DMRT1: variants seen among roughly 807,000 people sequenced by gnomAD.
DMRT1 encodes doublesex- and mab-3-related transcription factor 1.
DMRT1 carries 7 observed loss-of-function variants against 32.3 expected under a neutral mutation model. The ratio of observed to expected loss-of-function variants is 0.22; its 90% CI spans 0.12 to 0.41. The LOEUF (loss-of-function observed/expected upper bound fraction) is 0.41. Among genes scored for constraint, DMRT1 ranks in the 10% least tolerant of loss-of-function variants. The pLI is 1.00. For synonymous variants in DMRT1, 278 were observed against 206.1 expected (o/e 1.35, Z -2.99); for missense variants, 625 against 500.5 (o/e 1.25, Z -2.37).
intron 4 of DMRT1, among the ~76,000 whole-genome samples, chr9:949,870 C>T (rs370351610): frequency 5.3e-5 from 8 of 152,190 alleles, no homozygotes; most frequent in Non-Finnish European, 1.0e-4. Flanking sequence ...AGGTTCATTC[C>T]GTTGCAAATG....
intron 2 of DMRT1, among the ~76,000 whole-genome samples, chr9:871,021 A>T (rs1816224999): frequency 6.6e-6 from 1 of 151,590 alleles, no homozygotes. Context: ...CAAGCCTTTT[A>T]AAACTGTATT....
chr9:862,089 C>G (rs963303544), intron 2 of DMRT1, among the ~76,000 whole-genome samples: 4 of 136,808 alleles, frequency 2.9e-5, no homozygotes, highest in African/African-American at 5.0e-5. Context: ...TCCTCACTTC[C>G]TAGACGGGGT....
At chr9:855,746 T>G (rs1232655769) in intron 2 of DMRT1, among the ~76,000 whole-genome samples, 1 of 152,168 alleles carries the variant, frequency 6.6e-6, no homozygotes, top group African/African-American at 2.4e-5. Context: ...AGTCCCCAAG[T>G]ACCTTGGACT....
chr9:890,982 C>T (rs1465163166), intron 2 of DMRT1, among the ~76,000 whole-genome samples: 1 of 151,716 alleles, frequency 6.6e-6, no homozygotes, highest in Non-Finnish European at 1.5e-5. Flanking sequence ...AGACCTACCT[C>T]AGCCTCCCAA....
At chr9:887,939 T>C (rs2132641802) in intron 2 of DMRT1, among the ~76,000 whole-genome samples, 1 of 152,366 alleles carries the variant, frequency 6.6e-6, no homozygotes, top group South Asian at 2.1e-4. Flanking sequence ...ATATGATAAC[T>C]AGTGAATGAA....
At chr9:908,463 G>GTT (rs5895876) in intron 3 of DMRT1, among the ~76,000 whole-genome samples, 98 of 151,786 alleles carry the variant, frequency 6.5e-4, no homozygotes, top group East Asian at 5.1e-3. Flanking sequence ...CTCTAAAAAT[G>GTT]TTTTTTTAAA....
chr9:865,617 G>A lies in DMRT1; in HGVS notation c.538+18474G>A, dbSNP rs1209482423. 2.0e-5 allele frequency among the ~76,000 whole-genome samples: 3 copies of A among 152,076 alleles called. No individual in the cohort carries two copies. In the East Asian group the frequency reaches 5.8e-4, roughly 29 times the overall value. On this transcript the variant is annotated intron_variant, in intron 2 of 4. Transcript: ENST00000382276. ...ATCCTGTAGCAATAAACAAGTTTTT[G>A]CAAAAATGAAGCTACCTGAACAGAT... is the stretch of plus-strand genomic sequence containing the variant.
intron 3 of DMRT1, among the ~76,000 whole-genome samples, chr9:909,390 C>A (rs1817892706): frequency 6.6e-6 from 1 of 152,142 alleles, no homozygotes; most frequent in South Asian, 2.1e-4. Context: ...GTGAACGGGG[C>A]TTTTTGGGTG....
chr9:857,701 G>C (rs186815547), intron 2 of DMRT1, among the ~76,000 whole-genome samples: 1,806 of 151,386 alleles, frequency 0.012, 38 homozygotes, highest in African/African-American at 0.042. Context: ...ATGTATACAT[G>C]TGCCATGTTG....
chr9:903,111 C>G lies in DMRT1; in HGVS notation c.822+8916C>G, dbSNP rs62530268. ...GTCTTAGCCATGCCTATGATGTTTTCTTCTGCAACATAATTCCTCATTAGG... is the reference window on the plus strand; with the variant it reads ...GTCTTAGCCATGCCTATGATGTTTTGTTCTGCAACATAATTCCTCATTAGG... On this transcript the variant is annotated intron_variant, in intron 3 of 4. Transcript: ENST00000382276. 2.6e-3 allele frequency among the ~76,000 whole-genome samples: 392 copies of G among 152,276 alleles called. 1 individual carries two copies. Among genetic ancestry groups the G allele is most frequent in the Non-Finnish European group, 3.5e-3 (241 of 68,010 alleles).
At chr9:903,022 A>G (rs995016921) in intron 3 of DMRT1, among the ~76,000 whole-genome samples, 3 of 152,308 alleles carry the variant, frequency 2.0e-5, no homozygotes, top group South Asian at 2.1e-4. Flanking sequence ...TAAAGCTGTC[A>G]TGTTCCCTGA....
At chr9:944,294 T>A (rs1819172079) in intron 4 of DMRT1, among the ~76,000 whole-genome samples, 1 of 152,220 alleles carries the variant, frequency 6.6e-6, no homozygotes, top group Non-Finnish European at 1.5e-5. Flanking sequence ...CTGCCACAGT[T>A]TTTTGAAAGA....
chr9:907,409 T>G (rs1031893834), intron 3 of DMRT1, among the ~76,000 whole-genome samples: 1 of 152,150 alleles, frequency 6.6e-6, no homozygotes, highest in Non-Finnish European at 1.5e-5. Context: ...TGCATAGATT[T>G]CTCAAGATGA....
chr9:912,234 C>T (rs1818016179), intron 3 of DMRT1, among the ~76,000 whole-genome samples: 1 of 152,202 alleles, frequency 6.6e-6, no homozygotes, highest in Non-Finnish European at 1.5e-5. Flanking sequence ...GGGCAACCGC[C>T]CCCATGATCC....
In DMRT1 at chr9:916,886, T is replaced by G; in HGVS notation, c.946T>G (p.Tyr316Asp). The G allele has an allele frequency of 6.2e-7, 1 of 1,614,194 alleles. No individual in the cohort carries two copies. Among genetic ancestry groups the G allele is most frequent in the Non-Finnish European group, 8.5e-7 (1 of 1,180,022 alleles). Reference protein sequence around the residue: ...QFFTFEDAPSYPEARASVFSP... With the variant: ...QFFTFEDAPSDPEARASVFSP... ...CTTCACTTTTGAGGATGCTCCCTCT[T>G]ACCCGGAAGCCAGGGCGAGCGGTAG... The change falls in exon 4 of 5, where the codon TAC (tyrosine) becomes GAC (aspartate). Residue 316 changes from tyrosine (Y) to aspartate (D), a missense_variant. By Grantham distance (160) the Tyr-to-Asp change is radical. Around this residue, in one of 3 missense-constraint regions of DMRT1, gnomAD observed 416 missense variants for 321.6 expected, o/e 1.29. Transcript: ENST00000382276.
At chr9:901,809 G>T (rs1201281691) in intron 3 of DMRT1, among the ~76,000 whole-genome samples, 1 of 151,626 alleles carries the variant, frequency 6.6e-6, no homozygotes, top group Non-Finnish European at 1.5e-5. Flanking sequence ...CTCACCCTTG[G>T]CCGGGAGCCC....
intron 4 of DMRT1, among the ~76,000 whole-genome samples, chr9:948,900 A>G (rs1819335674): frequency 7.9e-6 from 1 of 126,998 alleles, no homozygotes. Context: ...TACTAAAAAT[A>G]CAAAATAATA....
chr9:844,378 A>G (rs569898481), intron 1 of DMRT1, among the ~76,000 whole-genome samples: 31 of 152,294 alleles, frequency 2.0e-4, no homozygotes, highest in African/African-American at 7.0e-4. Context: ...TCCTTTTTAT[A>G]TAATATTTTC....
intron 2 of DMRT1, among the ~76,000 whole-genome samples, chr9:854,526 G>A (rs1159117478): frequency 6.6e-6 from 1 of 152,044 alleles, no homozygotes; most frequent in East Asian, 1.9e-4. Flanking sequence ...TTCTAATGTT[G>A]TAAAGAAGGA....
Sources: gnomAD v4.1 joint callset for allele counts (sites outside exome capture counted in the v4.1 genomes callset) on GRCh38, gnomAD v4.1.1 for gene constraint, gnomAD v4.1.1 regional missense constraint, MANE v1.5 for transcripts, NCBI Gene and HGNC (gene_info 2026-07-23, HGNC 2026-07-21) for gene names.